GPC5: variants seen among roughly 807,000 people sequenced by gnomAD.
The protein encoded by GPC5 is glypican 5, also known as glypican-5.
A neutral mutation model predicts 53.9 loss-of-function variants in GPC5; 47 were observed. That is an observed-to-expected ratio of 0.87 (90% CI 0.69 to 1.11). GPC5 has a LOEUF of 1.11. Among genes scored for constraint, GPC5 ranks in the 50% most tolerant of loss-of-function variants. The pLI, the probability that GPC5 is intolerant of heterozygous loss-of-function variation, is 0.00. For missense variants in GPC5, 748 were observed against 713.1 expected, an observed-to-expected ratio of 1.05 and a Z score of -0.56; for synonymous variants, 286 against 263.3, an observed-to-expected ratio of 1.09 and a Z score of -0.84.
At chr13:92,098,479 G>A (rs2041438952) in intron 6 of GPC5, among the ~76,000 whole-genome samples, 1 of 152,114 alleles carries the variant, frequency 6.6e-6, no homozygotes, top group Non-Finnish European at 1.5e-5. Context: ...GCTGCAATGT[G>A]AACAGACCAT....
chr13:91,771,312 G>A (rs2037620969), intron 5 of GPC5, among the ~76,000 whole-genome samples: 1 of 152,104 alleles, frequency 6.6e-6, no homozygotes, highest in Non-Finnish European at 1.5e-5. Flanking sequence ...ATAATTCATA[G>A]CATTGACCAG....
intron 7 of GPC5, among the ~76,000 whole-genome samples, chr13:92,754,017 C>A (rs1874727295): frequency 6.6e-6 from 1 of 152,070 alleles, no homozygotes; most frequent in Non-Finnish European, 1.5e-5. Context: ...AACTCCAAGA[C>A]ACATAATTGT....
chr13:91,859,964 C>T (rs2039007939), intron 5 of GPC5, among the ~76,000 whole-genome samples: 1 of 152,034 alleles, frequency 6.6e-6, no homozygotes. Flanking sequence ...TTTGTGGGTA[C>T]ATAGTGATGT....
intron 7 of GPC5, among the ~76,000 whole-genome samples, chr13:92,414,483 C>T (rs140265158): frequency 0.011 from 1,557 of 141,552 alleles, 21 homozygotes; most frequent in African/African-American, 0.038. Context: ...CCAGCCTGGG[C>T]GATAGAGCGA....
At chr13:92,443,756 T>C (rs1877676171) in intron 7 of GPC5, among the ~76,000 whole-genome samples, 1 of 152,186 alleles carries the variant, frequency 6.6e-6, no homozygotes. Context: ...AGCAAAAAGA[T>C]GCAGTAGCCT....
chr13:92,152,997 CTTG>C (rs931030877), intron 7 of GPC5, among the ~76,000 whole-genome samples: 2 of 152,116 alleles, frequency 1.3e-5, no homozygotes, highest in African/African-American at 2.4e-5. Context: ...TTAAATAATA[CTTG>C]TTTTTTCTGG....
At chr13:91,782,486 C>G (rs866676621) in intron 5 of GPC5, among the ~76,000 whole-genome samples, 1 of 151,968 alleles carries the variant, frequency 6.6e-6, no homozygotes, top group Non-Finnish European at 1.5e-5. Flanking sequence ...AGAGACTGCC[C>G]CTTAGAAAAC....
At chr13:91,521,224 T>C (rs1053081768) in intron 2 of GPC5, among the ~76,000 whole-genome samples, 3 of 152,210 alleles carry the variant, frequency 2.0e-5, no homozygotes, top group Non-Finnish European at 4.4e-5. Context: ...CAGTGTTTTA[T>C]AAGAACTGAA....
intron 7 of GPC5, among the ~76,000 whole-genome samples, chr13:92,582,150 C>T (rs11840248): frequency 1.1e-3 from 174 of 152,144 alleles, no homozygotes; most frequent in African/African-American, 4.0e-3. Flanking sequence ...TGCCCCTATA[C>T]TTTCTTCTAG....
intron 7 of GPC5, among the ~76,000 whole-genome samples, chr13:92,524,586 T>C (rs1881204062): frequency 6.6e-6 from 1 of 152,130 alleles, no homozygotes; most frequent in Non-Finnish European, 1.5e-5. Flanking sequence ...TCACTTATTT[T>C]TCTAAAGTCA....
chr13:92,151,365 T>C (rs2138992923), intron 7 of GPC5, among the ~76,000 whole-genome samples: 1 of 152,248 alleles, frequency 6.6e-6, no homozygotes, highest in African/African-American at 2.4e-5. Context: ...CCTTGGTCCA[T>C]AGGACCACAT....
At chr13:92,262,169 A>G (rs1188408588) in intron 7 of GPC5, among the ~76,000 whole-genome samples, 1 of 152,162 alleles carries the variant, frequency 6.6e-6, no homozygotes, top group Non-Finnish European at 1.5e-5. Flanking sequence ...TTGTACTGCC[A>G]TGGACCTTGG....
At chr13:91,449,459 C>G (rs919370220) in intron 2 of GPC5, among the ~76,000 whole-genome samples, 9 of 152,078 alleles carry the variant, frequency 5.9e-5, no homozygotes, top group Non-Finnish European at 1.2e-4. Flanking sequence ...AGCCCGTCAT[C>G]TAGGTTTTGA....
chr13:92,590,964 C>A (rs2139067103), intron 7 of GPC5, among the ~76,000 whole-genome samples: 1 of 152,228 alleles, frequency 6.6e-6, no homozygotes, highest in African/African-American at 2.4e-5. Context: ...TCTGATTCAG[C>A]AGTACAAGTC....
chr13:92,194,154 A>G (rs527342118), intron 7 of GPC5, among the ~76,000 whole-genome samples: 1 of 152,310 alleles, frequency 6.6e-6, no homozygotes. Flanking sequence ...TCTCATAACA[A>G]CCTTATGAAG....
intron 7 of GPC5, among the ~76,000 whole-genome samples, chr13:92,601,044 A>C (rs1366221549): frequency 6.6e-6 from 1 of 152,142 alleles, no homozygotes; most frequent in African/African-American, 2.4e-5. Context: ...CAACCACTTA[A>C]ATGAAATACC....
At chr13:92,479,342 C>T (rs559799862) in intron 7 of GPC5, among the ~76,000 whole-genome samples, 1 of 152,276 alleles carries the variant, frequency 6.6e-6, no homozygotes, top group South Asian at 2.1e-4. Context: ...AAGCCTTTAT[C>T]ATAGAAGCAA....
At chr13:92,836,418 T>G (rs1376034766) in intron 7 of GPC5, among the ~76,000 whole-genome samples, 1 of 152,102 alleles carries the variant, frequency 6.6e-6, no homozygotes, top group African/African-American at 2.4e-5. Context: ...TTCATCTTAC[T>G]AACAACAACA....
chr13:92,298,622 G>T (rs547756098), intron 7 of GPC5, among the ~76,000 whole-genome samples: 1 of 152,308 alleles, frequency 6.6e-6, no homozygotes, highest in African/African-American at 2.4e-5. Flanking sequence ...GTGTTCAGGA[G>T]AGGACAATCT....
Sources: gnomAD v4.1 joint callset for allele counts (sites outside exome capture counted in the v4.1 genomes callset) on GRCh38, gnomAD v4.1.1 for gene constraint, MANE v1.5 for transcripts, NCBI Gene and HGNC (gene_info 2026-07-23, HGNC 2026-07-21) for gene names.